Variants in DCHS2 observed in about 807,000 individuals in gnomAD.
DCHS2 encodes protocadherin-23.
A neutral mutation model predicts 182.4 loss-of-function variants in DCHS2; 142 were observed. The observed-to-expected ratio is 0.78, with a 90% confidence interval of 0.68 to 0.89. DCHS2 has a LOEUF of 0.89. DCHS2 is among the 40% of genes least tolerant of loss of function. The probability of loss-of-function intolerance (pLI) is 0.00; values close to 1 mark genes in which losing one functional copy is unlikely to be tolerated. For missense variants in DCHS2, 4,319 were observed against 4,198.6 expected, an observed-to-expected ratio of 1.03 and a Z score of -0.79; for synonymous variants, 1,740 against 1,663.3, an observed-to-expected ratio of 1.05 and a Z score of -1.12.
chr4:154,382,424 A>T (rs993224834), intron 1 of DCHS2, among the ~76,000 whole-genome samples: 4 of 152,170 alleles, frequency 2.6e-5, no homozygotes, highest in African/African-American at 9.6e-5. Context: ...CATTCTGGAC[A>T]TTGGCCTTGG....
intron 1 of DCHS2, among the ~76,000 whole-genome samples, chr4:154,439,359 GA>G (rs1475611272): frequency 6.6e-6 from 1 of 152,054 alleles, no homozygotes; most frequent in East Asian, 1.9e-4. Flanking sequence ...CCAACATTCT[GA>G]AAAAGTCCAT....
intron 1 of DCHS2, among the ~76,000 whole-genome samples, chr4:154,413,762 C>CTTCACATAA: frequency 6.6e-6 from 1 of 152,200 alleles, no homozygotes; most frequent in Admixed American, 6.5e-5. Context: ...ACCTGGCCTC[C>CTTCACATAA]CTGTCCTTCA....
intron 3 of DCHS2, chr4:154,357,367 G>T: frequency 7.5e-7 from 1 of 1,330,044 alleles, no homozygotes; most frequent in Non-Finnish European, 1.1e-6. Context: ...GCAGGGAAAA[G>T]CAAAAAGAAA....
At chr4:154,384,472 T>C (rs1433046253) in intron 1 of DCHS2, 1 of 1,588,052 alleles carries the variant, frequency 6.3e-7, no homozygotes, top group South Asian at 1.1e-5. Flanking sequence ...CACTGACTGC[T>C]TGTAGGGGAC....
At chr4:154,308,367 T>C (rs1367223908) in intron 10 of DCHS2, among the ~76,000 whole-genome samples, 10 of 152,176 alleles carry the variant, frequency 6.6e-5, no homozygotes, top group Admixed American at 5.9e-4. Context: ...CTCTATGACA[T>C]ATTTTTCTCC....
At chr4:154,258,367 CTTTTTTTTTTTTT>C (rs771510956) in intron 15 of DCHS2, among the ~76,000 whole-genome samples, 1 of 58,838 alleles carries the variant, frequency 1.7e-5, no homozygotes, top group African/African-American at 7.3e-5. Flanking sequence ...AAAAGAAAGG[CTTTTTTTTTTTTT>C]TTTTTTTTTT....
At chr4:154,344,132 C>G (rs1365007339) in intron 3 of DCHS2, among the ~76,000 whole-genome samples, 1 of 152,006 alleles carries the variant, frequency 6.6e-6, no homozygotes, top group Non-Finnish European at 1.5e-5. Flanking sequence ...TCTTTCATGG[C>G]CATGGTTTGT....
intron 8 of DCHS2, among the ~76,000 whole-genome samples, chr4:154,321,955 T>A (rs1736075697): frequency 6.6e-6 from 1 of 152,182 alleles, no homozygotes; most frequent in South Asian, 2.1e-4. Flanking sequence ...AAAATCTATG[T>A]CATTTATTAT....
intron 1 of DCHS2, among the ~76,000 whole-genome samples, chr4:154,390,449 T>C (rs1015070272): frequency 7.2e-5 from 11 of 151,832 alleles, no homozygotes; most frequent in Admixed American, 2.6e-4. Context: ...CAACTGTAAG[T>C]AACTGGCTGA....
At chr4:154,255,702 A>C (rs1203912004) in intron 15 of DCHS2, 32 bp from the exon 16 acceptor site, 1 of 1,604,540 alleles carries the variant, frequency 6.2e-7, no homozygotes, top group South Asian at 1.1e-5. Flanking sequence ...ATTAGATAAG[A>C]TTTATTCTGC....
intron 14 of DCHS2, among the ~76,000 whole-genome samples, chr4:154,268,059 T>G (rs1244239162): frequency 3.3e-5 from 5 of 152,262 alleles, no homozygotes; most frequent in Non-Finnish European, 5.9e-5. Flanking sequence ...TGCCATGCCC[T>G]GTGGCCATGA....
chr4:154,298,319 C>T lies in DCHS2; in HGVS notation c.5995G>A (p.Ala1999Thr), dbSNP rs763950974. Residue 1999 changes from alanine (A) to threonine (T), a missense_variant, in exon 13 of 20, where the codon GCC (alanine) becomes ACC (threonine). Coordinates refer to ENST00000357232, the MANE Select transcript of DCHS2 (RefSeq NM_001358235.2). Reference protein sequence around the residue: ...LKTSNTLDREARSQHTFSAVA... With the variant: ...LKTSNTLDRETRSQHTFSAVA... ...GCACTAAATGTATGCTGAGATCTGG[C>T]TTCACGGTCGAGGGTGTTGCTGGTT... 33 of 1,614,052 alleles carry T rather than the reference C, an allele frequency of 2.0e-5. No individual in the cohort carries two copies. The highest frequency in any genetic ancestry group is 3.3e-5 in the Admixed American group (2 of 59,994).
Position 154,234,218 on chromosome 4 carries a change from A to G in DCHS2, c.*318T>C, listed in dbSNP as rs1731331262. The G allele has an allele frequency of 4.3e-6, 1 of 233,466 alleles. No individual in the cohort carries two copies. The highest frequency in any genetic ancestry group is 5.2e-5 in the Admixed American group (1 of 19,296). The allele number at this position is 233,466 out of a possible 1,614,324, so 14.5% of individuals were successfully genotyped here. ...CACTATATTTTGTTTCCATATAAAC[A>G]TTCTGGCAGTCAGTTAAGTTCACTG... On this transcript the variant is annotated 3_prime_UTR_variant, in exon 20 of 20. Coordinates refer to ENST00000357232, the MANE Select transcript of DCHS2 (RefSeq NM_001358235.2).
At chr4:154,431,688 C>T (rs1733566115) in intron 1 of DCHS2, among the ~76,000 whole-genome samples, 1 of 152,140 alleles carries the variant, frequency 6.6e-6, no homozygotes, top group Non-Finnish European at 1.5e-5. Context: ...CCCATGAGGA[C>T]ATAGGGATAT....
chr4:154,303,232 T>C (rs1461312555), intron 12 of DCHS2, among the ~76,000 whole-genome samples: 2 of 152,078 alleles, frequency 1.3e-5, no homozygotes, highest in Non-Finnish European at 2.9e-5. Flanking sequence ...TCCGCCCACG[T>C]TGGCCTCCCA....
At position 154,329,528 on chromosome 4, in the gene DCHS2, C is replaced by T. The variant is rs374109072; in HGVS notation, c.3913G>A (p.Val1305Met). Residue 1305 changes from valine to methionine, a missense_variant, in exon 6 of 20, where the codon GTG becomes ATG. By Grantham distance (21) the Val-to-Met change is conservative. Transcript: ENST00000357232. ...PQCLPGKELH[V>M]KVLEGQPVNM... ...TGCAAGGTTTCTTCACAAACCTTCA[C>T]GTGTAACTCCTTTCCAGGGAGACAC... is the stretch of plus-strand genomic sequence containing the variant. 4.6e-5 allele frequency: 74 copies of T among 1,613,000 alleles called. No individual in the cohort carries two copies. Among genetic ancestry groups the T allele is most frequent in the Non-Finnish European group, 5.7e-5 (67 of 1,179,350 alleles).
At chr4:154,344,880 T>A (rs1349573928) in intron 3 of DCHS2, among the ~76,000 whole-genome samples, 1 of 152,128 alleles carries the variant, frequency 6.6e-6, no homozygotes, top group East Asian at 1.9e-4. Flanking sequence ...GCTGCTATAA[T>A]CCAAGGAGGC....
intron 3 of DCHS2, among the ~76,000 whole-genome samples, chr4:154,344,070 C>T (rs1729243070): frequency 6.6e-6 from 1 of 151,954 alleles, no homozygotes; most frequent in Admixed American, 6.5e-5. Context: ...GGGAAACAGC[C>T]AATGGGTGGA....
chr4:154,461,484 T>A (rs1438475920), intron 1 of DCHS2, among the ~76,000 whole-genome samples: 1 of 152,182 alleles, frequency 6.6e-6, no homozygotes, highest in Non-Finnish European at 1.5e-5. Context: ...AAAGCTAACA[T>A]TTGTTTTTCT....
Sources: gnomAD v4.1 joint callset for allele counts (sites outside exome capture counted in the v4.1 genomes callset) on GRCh38, gnomAD v4.1.1 for gene constraint, MANE v1.5 for transcripts, NCBI Gene and HGNC (gene_info 2026-07-23, HGNC 2026-07-21) for gene names.